SPSB1: variants seen among roughly 807,000 people sequenced by gnomAD.
SPSB1 encodes the protein SPRY domain-containing SOCS box protein 1.
SPSB1 carries 8 observed loss-of-function variants against 21.2 expected under a neutral mutation model. That is an observed-to-expected ratio of 0.38 (90% CI 0.22 to 0.68). The LOEUF (loss-of-function observed/expected upper bound fraction) is 0.68, where lower values mean the gene tolerates loss of function less well. SPSB1 is among the 30% of genes least tolerant of loss of function. SPSB1 has a pLI of 0.53. For synonymous variants in SPSB1, 169 were observed against 161.7 expected, an observed-to-expected ratio of 1.05 and a Z score of -0.34; for missense variants, 242 against 377.8, an observed-to-expected ratio of 0.64 and a Z score of 2.98.
chr1:9,359,034 C>T (rs113461150), intron 2 of SPSB1, among the ~76,000 whole-genome samples: 73 of 152,218 alleles, frequency 4.8e-4, no homozygotes, highest in African/African-American at 1.6e-3. Context: ...GTGGGGAATA[C>T]GAGAATGGGA....
intron 1 of SPSB1, among the ~76,000 whole-genome samples, chr1:9,331,179 C>T (rs1319147837): frequency 1.3e-5 from 2 of 152,004 alleles, no homozygotes; most frequent in Non-Finnish European, 2.9e-5. Flanking sequence ...TGTGTAACAA[C>T]GGTTCATGGT....
Position 9,367,388 on chromosome 1 carries a change from G to A in SPSB1, c.695-60G>A, listed in dbSNP as rs947273527. 1.4e-5 allele frequency: 22 copies of A among 1,610,758 alleles called. No individual in the cohort carries two copies. The Admixed American group carries it at 1.5e-4, about 11-fold the overall frequency. On this transcript the variant is annotated intron_variant, in intron 2 of 2. Transcript: ENST00000328089. The surrounding 1 kb of genome is among the most constrained non-coding windows in gnomAD (Gnocchi z 5.9). The stretch of plus-strand genomic sequence containing the variant: ...AGTGATAATATTGCTGCTGTGGTTA[G>A]CGCTGTTTGCTGAACACCCACCCAA...
chr1:9,352,014 C>T (rs1177448098), intron 1 of SPSB1, among the ~76,000 whole-genome samples: 3 of 152,326 alleles, frequency 2.0e-5, no homozygotes, highest in East Asian at 1.9e-4. Context: ...TCCCTCCTCC[C>T]AGGCCCTCCC....
chr1:9,314,175 CA>C (rs58276325), intron 1 of SPSB1, among the ~76,000 whole-genome samples: 46 of 138,772 alleles, frequency 3.3e-4, no homozygotes, highest in African/African-American at 8.9e-4. Context: ...GACTCTATCT[CA>C]AAAAAAAAAA....
Position 9,367,635 on chromosome 1 carries a change from C to T in SPSB1, c.*60C>T. On this transcript the variant is annotated 3_prime_UTR_variant, in exon 3 of 3. Coordinates refer to ENST00000328089, the MANE Select transcript of SPSB1 (RefSeq NM_025106.4). The surrounding 1 kb of genome is among the most constrained non-coding windows in gnomAD (Gnocchi z 5.9). ...TGGTGCCAACTCACTGAGCCGCCTGCCGCTGGGGCCGCCGCACCCTGCACC... is the reference window on the plus strand; with the variant it reads ...TGGTGCCAACTCACTGAGCCGCCTGTCGCTGGGGCCGCCGCACCCTGCACC... The T allele has an allele frequency of 6.6e-7, 1 of 1,520,732 alleles. No homozygotes were observed. The highest frequency in any genetic ancestry group is 8.8e-7 in the Non-Finnish European group (1 of 1,130,768). The allele number at this position is 1,520,732 out of a possible 1,614,324, so 94.2% of individuals were successfully genotyped here.
intron 2 of SPSB1, among the ~76,000 whole-genome samples, chr1:9,358,252 G>C (rs1209782930): frequency 6.6e-6 from 1 of 152,156 alleles, no homozygotes; most frequent in African/African-American, 2.4e-5. Context: ...GTCCTCTGCT[G>C]TGACTTTGAC....
At chr1:9,358,617 ATGGGG>A (rs1438573738) in intron 2 of SPSB1, among the ~76,000 whole-genome samples, 3 of 152,188 alleles carry the variant, frequency 2.0e-5, no homozygotes, top group Non-Finnish European at 4.4e-5. Flanking sequence ...CCTCCCAGCC[ATGGGG>A]TGGTCACGGA....
chr1:9,327,297 T>C (rs1330014396), intron 1 of SPSB1, among the ~76,000 whole-genome samples: 1 of 152,250 alleles, frequency 6.6e-6, no homozygotes, highest in Non-Finnish European at 1.5e-5. Context: ...GTATGTAATC[T>C]ATCGATACAG....
chr1:9,343,495 TA>T (rs1376626618), intron 1 of SPSB1, among the ~76,000 whole-genome samples: 1 of 152,268 alleles, frequency 6.6e-6, no homozygotes, highest in Non-Finnish European at 1.5e-5. Context: ...ACAATTTGTT[TA>T]TCCATGCATC....
At chr1:9,333,719 A>G (rs902176279) in intron 1 of SPSB1, among the ~76,000 whole-genome samples, 4 of 152,222 alleles carry the variant, frequency 2.6e-5, no homozygotes, top group Non-Finnish European at 5.9e-5. Context: ...GGCCCGGGGA[A>G]GAGCACAGTC....
chr1:9,309,706 G>A (rs190416261), intron 1 of SPSB1, among the ~76,000 whole-genome samples: 26 of 152,264 alleles, frequency 1.7e-4, no homozygotes, highest in Admixed American at 1.6e-3. Flanking sequence ...AGTCGGGGAT[G>A]GTGGTGCATG....
chr1:9,311,336 A>C (rs1354627774), intron 1 of SPSB1, among the ~76,000 whole-genome samples: 1 of 151,848 alleles, frequency 6.6e-6, no homozygotes, highest in East Asian at 1.9e-4. Context: ...CTTCCCCCTG[A>C]TGGGTCTCGG....
intron 1 of SPSB1, among the ~76,000 whole-genome samples, chr1:9,337,364 A>G (rs1379482847): frequency 1.3e-5 from 2 of 152,038 alleles, no homozygotes; most frequent in African/African-American, 4.8e-5. Flanking sequence ...GGCTCCTGAC[A>G]CTCAGGGGAG....
chr1:9,309,779 T>C (rs1342626358), intron 1 of SPSB1, among the ~76,000 whole-genome samples: 22 of 152,036 alleles, frequency 1.4e-4, no homozygotes, highest in Non-Finnish European at 2.9e-5. Context: ...GAGGCAGAGT[T>C]TGCAGTGAGC....
At chr1:9,310,785 CCTGT>C (rs1346034077) in intron 1 of SPSB1, among the ~76,000 whole-genome samples, 1 of 151,936 alleles carries the variant, frequency 6.6e-6, no homozygotes, top group Non-Finnish European at 1.5e-5. Flanking sequence ...AAGTGTTTCT[CCTGT>C]CTGAGGGTCT....
rs984414174 is a variant in SPSB1, at chr1:9,348,170, C to A, written c.-149-7573C>A. 1.4e-4 allele frequency among the ~76,000 whole-genome samples: 21 copies of A among 151,952 alleles called. No homozygotes were observed. Among genetic ancestry groups the A allele is most frequent in the African/African-American group, 4.6e-4 (19 of 41,368 alleles). On this transcript the variant is annotated intron_variant, in intron 1 of 2. Transcript: ENST00000328089. This position sits in a 1 kb window ranked among gnomAD's most constrained non-coding sequence, Gnocchi z 4.8. ...ATGTTGGCCAGACTGGTCTCAAACT[C>A]CTGACCTCAGGTGATCTGCCCACCT...
chr1:9,322,801 G>T (rs145096443), intron 1 of SPSB1, among the ~76,000 whole-genome samples: 1 of 152,210 alleles, frequency 6.6e-6, no homozygotes, highest in Admixed American at 6.5e-5. Flanking sequence ...GATGGTCAGC[G>T]GGGGCAGGCA....
At chr1:9,339,359 G>A (rs1640054305) in intron 1 of SPSB1, 3 of 940,596 alleles carry the variant, frequency 3.2e-6, no homozygotes, top group Admixed American at 6.2e-5. Context: ...ACTTAGGGCT[G>A]TGACTCACCG....
chr1:9,323,523 G>A (rs1639759690), intron 1 of SPSB1, among the ~76,000 whole-genome samples: 1 of 152,226 alleles, frequency 6.6e-6, no homozygotes, highest in Non-Finnish European at 1.5e-5. Flanking sequence ...GCCCTCATGG[G>A]GGTCTGGAGC....
Sources: allele counts gnomAD v4.1 joint callset (sites outside exome capture counted in the v4.1 genomes callset), GRCh38; gene constraint gnomAD v4.1.1; non-coding constraint Gnocchi (gnomAD v3.1); transcripts MANE v1.5; gene names NCBI Gene and HGNC (gene_info 2026-07-23, HGNC 2026-07-21).